The following CACNB2 variants were observed in gnomAD, a reference collection of about 807,000 sequenced individuals.
The protein encoded by CACNB2 is calcium voltage-gated channel auxiliary subunit beta 2.
In CACNB2, 42 loss-of-function variants were observed where a neutral mutation model predicts 73.3. That is an observed-to-expected ratio of 0.57 (90% CI 0.45 to 0.74). The LOEUF is 0.74. CACNB2 is among the 30% of genes least tolerant of loss of function. The pLI, the probability that CACNB2 is intolerant of heterozygous loss-of-function variation, is 0.00. For synonymous variants in CACNB2, 348 were observed against 310.3 expected, an observed-to-expected ratio of 1.12 and a Z score of -1.28; for missense variants, 940 against 853.0, an observed-to-expected ratio of 1.10 and a Z score of -1.27.
intron 5 of CACNB2, among the ~76,000 whole-genome samples, chr10:18,504,935 G>A (rs940019779): frequency 1.1e-4 from 16 of 152,152 alleles, no homozygotes; most frequent in Admixed American, 2.6e-4. Flanking sequence ...GTGAGCCACC[G>A]TGCCCGGCCT....
intron 3 of CACNB2, among the ~76,000 whole-genome samples, chr10:18,463,127 C>T (rs1294983441): frequency 6.6e-6 from 1 of 152,178 alleles, no homozygotes; most frequent in Non-Finnish European, 1.5e-5. Context: ...GCAACAGCCT[C>T]ATCTTGCCAC....
At chr10:18,317,181 C>T (rs2040222366) in intron 2 of CACNB2, among the ~76,000 whole-genome samples, 1 of 151,822 alleles carries the variant, frequency 6.6e-6, no homozygotes, top group Non-Finnish European at 1.5e-5. Context: ...CTTCTCCTTG[C>T]TTAATCTAAT....
chr10:18,463,581 GTTGTTTTTTTTTTGTTGTTTT>G (rs2047698270), intron 3 of CACNB2, among the ~76,000 whole-genome samples: 1 of 94,728 alleles, frequency 1.1e-5, no homozygotes, highest in African/African-American at 2.9e-5. Context: ...TGCCCTGCTA[GTTGTTTTTTTTTTGTTGTTTT>G]TTGTTTTTTT....
intron 3 of CACNB2, among the ~76,000 whole-genome samples, chr10:18,443,715 C>CA (rs2046589976): frequency 1.9e-5 from 2 of 107,512 alleles, no homozygotes; most frequent in South Asian, 7.6e-4. Flanking sequence ...TTCCTACATA[C>CA]CTTTTTTTTT....
chr10:18,518,391 T>C lies in CACNB2; in HGVS notation c.860T>C (p.Val287Ala). ...CCTTCCATGCGACCAGTGGTCCTAGTGGGCCCTTCTCTGAAGGGCTACGAG... is the reference window on the plus strand; with the variant it reads ...CCTTCCATGCGACCAGTGGTCCTAGCGGGCCCTTCTCTGAAGGGCTACGAG... ...VVPSMRPVVL[V>A]GPSLKGYEVT... The change falls in exon 8 of 14, where the codon GTG (valine) becomes GCG (alanine). Residue 287 changes from valine to alanine, a missense_variant. Transcript: ENST00000324631. The C allele has an allele frequency of 6.2e-7, 1 of 1,612,990 alleles. No individual in the cohort carries two copies. The highest frequency in any genetic ancestry group is 8.5e-7 in the Non-Finnish European group (1 of 1,178,998).
chr10:18,181,009 T>C (rs910676433), intron 2 of CACNB2, among the ~76,000 whole-genome samples: 1 of 141,712 alleles, frequency 7.1e-6, no homozygotes, highest in African/African-American at 2.7e-5. Context: ...TATAAGAAAA[T>C]GGAGCAGAGG....
chr10:18,253,548 TTCTTG>T (rs1199851661), intron 2 of CACNB2, among the ~76,000 whole-genome samples: 1 of 152,162 alleles, frequency 6.6e-6, no homozygotes, highest in Non-Finnish European at 1.5e-5. Flanking sequence ...TGAATAGCCT[TTCTTG>T]TCTTTTGCCA....
intron 10 of CACNB2, chr10:18,531,784 T>C (rs1277075312): frequency 6.6e-6 from 1 of 152,206 alleles, no homozygotes; most frequent in Non-Finnish European, 1.5e-5. Context: ...CTCTTCTTTA[T>C]CTAAGAGGAA....
chr10:18,224,939 C>G lies in CACNB2; in HGVS notation c.213+73964C>G, dbSNP rs571768038. 9.8e-5 allele frequency among the ~76,000 whole-genome samples: 15 copies of G among 152,332 alleles called. No homozygotes were observed. The South Asian group carries it at 2.9e-3, about 29-fold the overall frequency. On this transcript the variant is annotated intron_variant, in intron 2 of 13. Transcript: ENST00000324631. The stretch of plus-strand genomic sequence containing the variant: ...ATACCTCAGCCTGTCAATTTCCACT[C>G]CCTTTTTCAGGATGAGCCTAGTGTG...
intron 3 of CACNB2, among the ~76,000 whole-genome samples, chr10:18,449,528 A>G (rs905463596): frequency 6.6e-6 from 1 of 152,224 alleles, no homozygotes; most frequent in Non-Finnish European, 1.5e-5. Context: ...GTTTGCTAAG[A>G]ACCGTAGATA....
intron 2 of CACNB2, among the ~76,000 whole-genome samples, chr10:18,364,447 C>T (rs993062179): frequency 2.6e-5 from 4 of 151,792 alleles, no homozygotes; most frequent in Admixed American, 6.6e-5. Flanking sequence ...ATTACAGGCA[C>T]GCAACACCAC....
At chr10:18,269,245 G>GAATTATC (rs1207006134) in intron 2 of CACNB2, among the ~76,000 whole-genome samples, 1 of 152,142 alleles carries the variant, frequency 6.6e-6, no homozygotes, top group African/African-American at 2.4e-5. Flanking sequence ...CTAGCCTACT[G>GAATTATC]AATTATCATC....
rs184710960 is a variant in CACNB2 at position 18,427,263 on chromosome 10, G to A, written c.333+25220G>A. Among the ~76,000 whole-genome samples, 22 of 151,844 alleles carry A rather than the reference G, an allele frequency of 1.4e-4. 1 individual carries two copies. The highest frequency in any genetic ancestry group is 6.8e-3 in the Middle Eastern group (2 of 294). The stretch of plus-strand genomic sequence containing the variant: ...ATTTTTTTGTTGAATTTCTTATTGC[G>A]GCAAATTTTATTAATAGATTTTCTA... On this transcript the variant is annotated intron_variant, in intron 3 of 13. Transcript: ENST00000324631.
chr10:18,426,781 G>A (rs867432899), intron 3 of CACNB2, among the ~76,000 whole-genome samples: 6 of 151,916 alleles, frequency 3.9e-5, no homozygotes, highest in African/African-American at 9.7e-5. Context: ...ACTCCTCACC[G>A]CAACATTAGG....
chr10:18,442,941 T>A lies in CACNB2; in HGVS notation c.333+40898T>A. 2.1e-4 allele frequency among the ~76,000 whole-genome samples: 4 copies of A among 18,644 alleles called. 1 individual carries two copies. Among genetic ancestry groups the A allele is most frequent in the African/African-American group, 2.1e-3 (4 of 1,892 alleles). 12.2% of individuals were successfully genotyped at this position (18,644 alleles called of 152,430 possible). ...ATATATATATGTATATATATATATA[T>A]GTGTATATATATATATGTATATATA... On this transcript the variant is annotated intron_variant, in intron 3 of 13. Coordinates refer to ENST00000324631, the MANE Select transcript of CACNB2 (RefSeq NM_201596.3).
intron 3 of CACNB2, among the ~76,000 whole-genome samples, chr10:18,492,214 A>C (rs1014989348): frequency 6.6e-6 from 1 of 152,194 alleles, no homozygotes; most frequent in East Asian, 1.9e-4. Flanking sequence ...CTATGATCCA[A>C]TCACCTCCTA....
chr10:18,212,248 G>A (rs954656724), intron 2 of CACNB2, among the ~76,000 whole-genome samples: 1 of 152,120 alleles, frequency 6.6e-6, no homozygotes, highest in Non-Finnish European at 1.5e-5. Context: ...CAGCATCTGA[G>A]TTCTCATTCC....
chr10:18,198,152 C>A (rs1409461965), intron 2 of CACNB2, among the ~76,000 whole-genome samples: 1 of 147,476 alleles, frequency 6.8e-6, no homozygotes, highest in Non-Finnish European at 1.5e-5. Flanking sequence ...TTACATATCA[C>A]ACATATTACA....
intron 3 of CACNB2, among the ~76,000 whole-genome samples, chr10:18,477,187 T>C (rs983119677): frequency 6.6e-6 from 1 of 152,126 alleles, no homozygotes; most frequent in Non-Finnish European, 1.5e-5. Context: ...GTTCCCTGTC[T>C]CCAGGCCCTA....
Sources: allele counts gnomAD v4.1 joint callset (sites outside exome capture counted in the v4.1 genomes callset), GRCh38; gene constraint gnomAD v4.1.1; transcripts MANE v1.5; gene names NCBI Gene and HGNC (gene_info 2026-07-23, HGNC 2026-07-21).